The following KCNG2 variants were observed in gnomAD, a reference collection of about 807,000 sequenced individuals.
The protein encoded by KCNG2 is voltage-gated potassium channel regulatory subunit KCNG2.
KCNG2 carries 7 observed loss-of-function variants against 12.3 expected under a neutral mutation model. The observed-to-expected ratio is 0.57, with a 90% CI of 0.32 to 1.07. The LOEUF (loss-of-function observed/expected upper bound fraction) is 1.07. Ranked by LOEUF, KCNG2 falls within the 50% of genes least tolerant of loss-of-function variation. The pLI, the probability that KCNG2 is intolerant of heterozygous loss-of-function variation, is 0.04. For missense variants in KCNG2, 703 were observed against 726.0 expected, an observed-to-expected ratio of 0.97 and a Z score of 0.36; for synonymous variants, 414 against 351.4, an observed-to-expected ratio of 1.18 and a Z score of -1.99.
intron 1 of KCNG2, among the ~76,000 whole-genome samples, chr18:79,821,140 C>G (rs1001650212): frequency 2.0e-5 from 3 of 152,114 alleles, no homozygotes; most frequent in African/African-American, 7.2e-5. Flanking sequence ...CTCAGTTGAT[C>G]TATTTTTATT....
intron 3 of KCNG2, among the ~76,000 whole-genome samples, chr18:79,874,357 G>C (rs1979981862): frequency 6.6e-6 from 1 of 152,244 alleles, no homozygotes; most frequent in Admixed American, 6.5e-5. Context: ...ATCAGGAGCA[G>C]CACCGTCACA....
intron 1 of KCNG2, among the ~76,000 whole-genome samples, chr18:79,807,822 C>A (rs1351692720): frequency 5.9e-5 from 8 of 134,490 alleles, no homozygotes; most frequent in East Asian, 2.2e-4. Context: ...CCAGAGTCCG[C>A]GCTCTGAGGA....
chr18:79,899,338 TGCG>T lies in KCNG2; in HGVS notation c.924_926del (p.Arg309del). The T allele has an allele frequency of 6.4e-7, 1 of 1,551,928 alleles. No individual in the cohort carries two copies. The highest frequency in any genetic ancestry group is 8.6e-7 in the Non-Finnish European group (1 of 1,157,426). On this transcript the variant is annotated inframe_deletion, in exon 4 of 4. Transcript: ENST00000316249. ...CGCCTGGCGCGCCACTCGCTGGGGCTGCGTTCGCTGGGCCTGACCATGCGCCGC... is the reference window on the plus strand; with the variant it reads ...CGCCTGGCGCGCCACTCGCTGGGGCTTTCGCTGGGCCTGACCATGCGCCGC...
chr18:79,830,148 G>T (rs973438958), intron 1 of KCNG2, among the ~76,000 whole-genome samples: 2 of 152,158 alleles, frequency 1.3e-5, no homozygotes, highest in Non-Finnish European at 2.9e-5. Context: ...ACGGAGCCCA[G>T]TGGAACCCAG....
chr18:79,893,406 A>G (rs1451410094), intron 3 of KCNG2, among the ~76,000 whole-genome samples: 1 of 141,460 alleles, frequency 7.1e-6, no homozygotes, highest in African/African-American at 2.6e-5. Context: ...ATTGTTAACA[A>G]TTCATATAGT....
chr18:79,842,365 C>G (rs1978486866), intron 1 of KCNG2, among the ~76,000 whole-genome samples: 1 of 152,208 alleles, frequency 6.6e-6, no homozygotes, highest in Non-Finnish European at 1.5e-5. Flanking sequence ...ATAAAGGGCT[C>G]TCCTTGCCAA....
intron 3 of KCNG2, among the ~76,000 whole-genome samples, chr18:79,892,434 A>C (rs1395313938): frequency 6.6e-6 from 1 of 152,228 alleles, no homozygotes; most frequent in Non-Finnish European, 1.5e-5. Context: ...TTTGAATCTA[A>C]AGTGTGTCTC....
At chr18:79,840,848 C>A (rs576878051) in intron 1 of KCNG2, among the ~76,000 whole-genome samples, 1 of 152,242 alleles carries the variant, frequency 6.6e-6, no homozygotes, top group East Asian at 1.9e-4. Context: ...GTAAATATAA[C>A]CTTTTCAACA....
chr18:79,874,444 T>C (rs1979985996), intron 3 of KCNG2, among the ~76,000 whole-genome samples: 1 of 152,214 alleles, frequency 6.6e-6, no homozygotes. Flanking sequence ...CACACACACT[T>C]ACTGCGCGTC....
intron 1 of KCNG2, among the ~76,000 whole-genome samples, chr18:79,838,914 T>C (rs1299423912): frequency 6.6e-6 from 1 of 151,968 alleles, no homozygotes; most frequent in Admixed American, 6.5e-5. Flanking sequence ...AGGAATGAAA[T>C]AATGAAGAGC....
At chr18:79,830,493 A>C (rs1483927887) in intron 1 of KCNG2, among the ~76,000 whole-genome samples, 1 of 152,268 alleles carries the variant, frequency 6.6e-6, no homozygotes, top group Non-Finnish European at 1.5e-5. Context: ...CTCAGCTTAC[A>C]TAAACGGCAG....
chr18:79,878,137 G>C (rs745369783), intron 3 of KCNG2, among the ~76,000 whole-genome samples: 24 of 152,264 alleles, frequency 1.6e-4, no homozygotes, highest in Admixed American at 4.6e-4. Context: ...ATTACACACA[G>C]AGCGCCACAG....
intron 1 of KCNG2, among the ~76,000 whole-genome samples, chr18:79,846,141 G>A (rs1978618052): frequency 6.6e-6 from 1 of 151,822 alleles, no homozygotes; most frequent in Admixed American, 6.6e-5. Context: ...GGGAGGCCGA[G>A]GCAGGTGGAT....
chr18:79,876,679 C>G (rs35614280), intron 3 of KCNG2, among the ~76,000 whole-genome samples: 51,147 of 152,206 alleles, frequency 0.34, 10,626 homozygotes, highest in Non-Finnish European at 0.47. Flanking sequence ...CTCGGCACAG[C>G]TGGGTGAATC....
chr18:79,842,564 TAAA>T (rs1978494069), intron 1 of KCNG2, among the ~76,000 whole-genome samples: 1 of 152,088 alleles, frequency 6.6e-6, no homozygotes, highest in South Asian at 2.1e-4. Context: ...ATAATAATCT[TAAA>T]GAAGCTCAGT....
intron 1 of KCNG2, among the ~76,000 whole-genome samples, chr18:79,828,318 G>A (rs549703159): frequency 8.5e-5 from 13 of 152,348 alleles, no homozygotes; most frequent in African/African-American, 2.4e-4. Flanking sequence ...TGCACACTGC[G>A]TCATTGCATG....
chr18:79,899,660 C>T lies in KCNG2; in HGVS notation c.1245C>T (p.Leu415=). 6.2e-7 allele frequency: 1 copy of T among 1,607,198 alleles called. No homozygotes were observed. Among genetic ancestry groups the T allele is most frequent in the Non-Finnish European group, 8.5e-7 (1 of 1,177,582 alleles). The change falls in exon 4 of 4, where the codon CTC becomes CTT. Residue 415 remains leucine (L), a synonymous_variant. Transcript: ENST00000316249. ...FHTFSRSYSE[L]KEQQQRAASP... is the part of the protein sequence containing the mutation. ...CCTTTTCGCGCTCCTACTCCGAGCT[C>T]AAGGAGCAGCAGCAGCGCGCGGCCA...
intron 1 of KCNG2, among the ~76,000 whole-genome samples, chr18:79,849,301 A>G (rs1183113855): frequency 6.6e-6 from 1 of 152,220 alleles, no homozygotes; most frequent in Non-Finnish European, 1.5e-5. Flanking sequence ...GACTAGGCGC[A>G]GGCGACGTCC....
chr18:79,870,187 G>GC (rs1250056588), intron 3 of KCNG2, among the ~76,000 whole-genome samples: 4 of 152,244 alleles, frequency 2.6e-5, no homozygotes, highest in East Asian at 1.9e-4. Context: ...CCCAGACGAA[G>GC]CCCCCCACGT....
Sources: gnomAD v4.1 joint callset for allele counts (sites outside exome capture counted in the v4.1 genomes callset) on GRCh38, gnomAD v4.1.1 for gene constraint, MANE v1.5 for transcripts, NCBI Gene and HGNC (gene_info 2026-07-23, HGNC 2026-07-21) for gene names.